Variants in DOK5 observed in about 807,000 individuals in gnomAD.
The protein encoded by DOK5 is downstream of tyrosine kinase 5.
In DOK5, 27 loss-of-function variants were observed where a neutral mutation model predicts 43.3. The ratio of observed to expected loss-of-function variants is 0.62; its 90% CI spans 0.46 to 0.86. The LOEUF is 0.86. Among genes scored for constraint, DOK5 ranks in the 40% least tolerant of loss-of-function variants. The probability of loss-of-function intolerance (pLI) is 0.00; values close to 1 mark genes in which losing one functional copy is unlikely to be tolerated. For missense variants in DOK5, 373 were observed against 392.9 expected, an observed-to-expected ratio of 0.95 and a Z score of 0.43; for synonymous variants, 146 against 140.1, an observed-to-expected ratio of 1.04 and a Z score of -0.30.
intron 1 of DOK5, among the ~76,000 whole-genome samples, chr20:54,530,247 G>A (rs1983724079): frequency 6.6e-6 from 1 of 152,164 alleles, no homozygotes; most frequent in Non-Finnish European, 1.5e-5. Flanking sequence ...TAAAGTCTCT[G>A]TAAGCCTATT....
intron 5 of DOK5, among the ~76,000 whole-genome samples, chr20:54,593,757 G>C (rs1394515758): frequency 6.6e-6 from 1 of 152,132 alleles, no homozygotes; most frequent in Non-Finnish European, 1.5e-5. Flanking sequence ...AATGCTCATC[G>C]ATGATAGACT....
chr20:54,644,722 A>ACAAC (rs750143945), intron 7 of DOK5, among the ~76,000 whole-genome samples: 5 of 146,568 alleles, frequency 3.4e-5, no homozygotes, highest in African/African-American at 5.1e-5. Context: ...AAAAAAAAAA[A>ACAAC]AACAAAATTT....
At chr20:54,514,078 C>T (rs1027093604) in intron 1 of DOK5, among the ~76,000 whole-genome samples, 11 of 152,108 alleles carry the variant, frequency 7.2e-5, no homozygotes, top group African/African-American at 1.9e-4. Context: ...CTGGGAAGTC[C>T]GAAGTGGTTT....
At chr20:54,533,042 T>C (rs1983833264) in intron 1 of DOK5, among the ~76,000 whole-genome samples, 1 of 152,240 alleles carries the variant, frequency 6.6e-6, no homozygotes, top group African/African-American at 2.4e-5. Context: ...TAGACCAAAT[T>C]CTGATTAATT....
intron 2 of DOK5, among the ~76,000 whole-genome samples, chr20:54,585,761 G>A (rs765961245): frequency 5.9e-5 from 9 of 152,318 alleles, no homozygotes; most frequent in Non-Finnish European, 1.0e-4. Context: ...TTCCTCATCT[G>A]TGAAAAAGGT....
At chr20:54,489,890 T>G (rs898171866) in intron 1 of DOK5, among the ~76,000 whole-genome samples, 2 of 152,208 alleles carry the variant, frequency 1.3e-5, no homozygotes, top group African/African-American at 2.4e-5. Context: ...ACATGTAGAA[T>G]TTCATGAAAG....
intron 6 of DOK5, among the ~76,000 whole-genome samples, chr20:54,619,153 C>A (rs542709646): frequency 4.2e-5 from 6 of 143,988 alleles, no homozygotes; most frequent in Non-Finnish European, 9.0e-5. Context: ...TTTATTATTT[C>A]TCGTCTACAT....
chr20:54,641,017 AGTAT>A (rs761418264), intron 6 of DOK5, among the ~76,000 whole-genome samples: 19 of 152,226 alleles, frequency 1.2e-4, no homozygotes, highest in Non-Finnish European at 2.2e-4. Context: ...ATTTTTTTAT[AGTAT>A]GTACATAGAT....
Position 54,540,586 on chromosome 20 carries a change from C to G in DOK5, c.67-14347C>G, listed in dbSNP as rs1457754720. ...GCTGGAGTGCAGTGCATGAGCATGA[C>G]TCACTGCAGCCTCAACCTCCTGGGA... On this transcript the variant is annotated intron_variant, in intron 1 of 7. Coordinates refer to ENST00000262593, the MANE Select transcript of DOK5 (RefSeq NM_018431.5). Among the ~76,000 whole-genome samples the G allele has an allele frequency of 3.3e-5, 5 of 152,260 alleles. No individual in the cohort carries two copies. The East Asian group carries it at 9.6e-4, about 29-fold the overall frequency.
At chr20:54,586,169 G>T (rs781399775) in intron 2 of DOK5, among the ~76,000 whole-genome samples, 26 of 152,176 alleles carry the variant, frequency 1.7e-4, no homozygotes, top group Non-Finnish European at 3.4e-4. Flanking sequence ...ATGCATGTTG[G>T]CATCAGTATG....
Position 54,518,935 on chromosome 20 carries a change from CA to C in DOK5, c.67-35994del, listed in dbSNP as rs545203643. ...TCTGAAAGGAAGGCATTTATGCAGCCAAAAGACACATGAAAAAATGCTCATC... is the reference window on the plus strand; with the variant it reads ...TCTGAAAGGAAGGCATTTATGCAGCCAAAGACACATGAAAAAATGCTCATC... On this transcript the variant is annotated intron_variant, in intron 1 of 7. Coordinates refer to ENST00000262593, the MANE Select transcript of DOK5 (RefSeq NM_018431.5). Among the ~76,000 whole-genome samples, 463 of 152,198 alleles carry C rather than the reference CA, an allele frequency of 3.0e-3. 3 individuals carry two copies. The highest frequency in any genetic ancestry group is 0.011 in the African/African-American group (444 of 41,528).
chr20:54,560,674 G>A (rs1389913001), intron 2 of DOK5, among the ~76,000 whole-genome samples: 5 of 152,172 alleles, frequency 3.3e-5, no homozygotes, highest in East Asian at 3.9e-4. Context: ...AGGCTGGAGC[G>A]CAATGGCACG....
At chr20:54,637,937 A>C (rs536848303) in intron 6 of DOK5, among the ~76,000 whole-genome samples, 1 of 152,182 alleles carries the variant, frequency 6.6e-6, no homozygotes, top group Non-Finnish European at 1.5e-5. Context: ...CGTGGCTAAC[A>C]CGGTGAAACC....
At chr20:54,500,555 G>GTT (rs1364966135) in intron 1 of DOK5, among the ~76,000 whole-genome samples, 1 of 133,672 alleles carries the variant, frequency 7.5e-6, no homozygotes, top group Non-Finnish European at 1.5e-5. Flanking sequence ...CATACCCAGT[G>GTT]TATTTTTTTT....
chr20:54,558,226 C>G (rs1984779713), intron 2 of DOK5, among the ~76,000 whole-genome samples: 1 of 152,206 alleles, frequency 6.6e-6, no homozygotes, highest in African/African-American at 2.4e-5. Flanking sequence ...AAATATAAAA[C>G]CAAAGTGGAT....
At chr20:54,540,498 A>G (rs1272052256) in intron 1 of DOK5, among the ~76,000 whole-genome samples, 1 of 152,142 alleles carries the variant, frequency 6.6e-6, no homozygotes, top group African/African-American at 2.4e-5. Context: ...GCTATATACC[A>G]AGCAATATGC....
chr20:54,490,942 T>G (rs1269123401), intron 1 of DOK5, among the ~76,000 whole-genome samples: 1 of 152,230 alleles, frequency 6.6e-6, no homozygotes, highest in Non-Finnish European at 1.5e-5. Flanking sequence ...ACTCTTCAAA[T>G]GGTGAACTCT....
intron 1 of DOK5, among the ~76,000 whole-genome samples, chr20:54,554,518 G>A (rs960597198): frequency 6.6e-6 from 1 of 152,218 alleles, no homozygotes; most frequent in African/African-American, 2.4e-5. Flanking sequence ...CGACAACCAT[G>A]AGCTGCCAGA....
At chr20:54,503,919 T>C (rs567632914) in intron 1 of DOK5, among the ~76,000 whole-genome samples, 1 of 152,150 alleles carries the variant, frequency 6.6e-6, no homozygotes, top group African/African-American at 2.4e-5. Context: ...ACTTCAAAGA[T>C]GGGGTCATCT....
Sources: gnomAD v4.1 joint callset for allele counts (sites outside exome capture counted in the v4.1 genomes callset) on GRCh38, gnomAD v4.1.1 for gene constraint, MANE v1.5 for transcripts, NCBI Gene and HGNC (gene_info 2026-07-23, HGNC 2026-07-21) for gene names.